Variants in STX8 observed in about 807,000 individuals in gnomAD.
STX8 encodes syntaxin 8.
Under a neutral mutation model 37.5 loss-of-function variants are expected in STX8, and 23 were observed. The ratio of observed to expected loss-of-function variants is 0.61; its 90% CI spans 0.44 to 0.87. The LOEUF is 0.87. Ranked by LOEUF, STX8 falls within the 40% of genes least tolerant of loss-of-function variation. The pLI, the probability that STX8 is intolerant of heterozygous loss-of-function variation, is 0.00. For missense variants in STX8, 313 were observed against 284.7 expected (o/e 1.10, Z -0.71); for synonymous variants, 115 against 99.1 (o/e 1.16, Z -0.95).
At chr17:9,475,580 G>A (rs925237781) in intron 6 of STX8, among the ~76,000 whole-genome samples, 1 of 152,190 alleles carries the variant, frequency 6.6e-6, no homozygotes, top group Non-Finnish European at 1.5e-5. Context: ...TCTCTGGAGA[G>A]GAAAGTTTGC....
intron 7 of STX8, among the ~76,000 whole-genome samples, chr17:9,316,940 C>T (rs752741263): frequency 6.6e-6 from 1 of 152,136 alleles, no homozygotes; most frequent in Non-Finnish European, 1.5e-5. Flanking sequence ...ATCATTCACA[C>T]CTGGTATCAG....
At chr17:9,452,796 G>A (rs549675528) in intron 6 of STX8, among the ~76,000 whole-genome samples, 1 of 143,196 alleles carries the variant, frequency 7.0e-6, no homozygotes, top group African/African-American at 2.6e-5. Flanking sequence ...CCAGTAGGAT[G>A]GCCCTTGTTT....
chr17:9,420,713 TGAGGCGC>T (rs1368878330), intron 6 of STX8, among the ~76,000 whole-genome samples: 1 of 152,130 alleles, frequency 6.6e-6, no homozygotes, highest in African/African-American at 2.4e-5. Flanking sequence ...CAACTGAGCT[TGAGGCGC>T]GATTATTACG....
At chr17:9,539,724 G>A (rs1378665797) in intron 4 of STX8, among the ~76,000 whole-genome samples, 1 of 151,628 alleles carries the variant, frequency 6.6e-6, no homozygotes, top group African/African-American at 2.4e-5. Context: ...GGAATCCAGA[G>A]ATTAGAGAAG....
intron 7 of STX8, among the ~76,000 whole-genome samples, chr17:9,354,253 C>T (rs1357715545): frequency 6.6e-6 from 1 of 151,406 alleles, no homozygotes; most frequent in African/African-American, 2.4e-5. Context: ...TTACTCTTAA[C>T]ATACTATAAT....
At chr17:9,497,904 A>G (rs1338779109) in intron 5 of STX8, among the ~76,000 whole-genome samples, 1 of 152,216 alleles carries the variant, frequency 6.6e-6, no homozygotes, top group East Asian at 1.9e-4. Context: ...TAGGTTTACA[A>G]AAGAAAGGAA....
chr17:9,352,777 T>A (rs985747475), intron 7 of STX8, among the ~76,000 whole-genome samples: 21 of 152,170 alleles, frequency 1.4e-4, no homozygotes, highest in Admixed American at 1.4e-3. Context: ...CTCCCACTTT[T>A]TTTTAAGTAT....
intron 7 of STX8, among the ~76,000 whole-genome samples, chr17:9,254,173 C>T (rs1027268530): frequency 3.3e-5 from 5 of 152,292 alleles, no homozygotes; most frequent in East Asian, 3.9e-4. Flanking sequence ...GCACTCTGCG[C>T]GCTGTGTTTG....
chr17:9,411,735 C>T (rs1912985854), intron 6 of STX8, among the ~76,000 whole-genome samples: 1 of 152,156 alleles, frequency 6.6e-6, no homozygotes, highest in African/African-American at 2.4e-5. Context: ...AATCTGCAAA[C>T]TTGGGTGTAC....
At chr17:9,291,059 T>C (rs188271246) in intron 7 of STX8, among the ~76,000 whole-genome samples, 1 of 152,266 alleles carries the variant, frequency 6.6e-6, no homozygotes, top group East Asian at 1.9e-4. Context: ...GTCAACCAAA[T>C]AGAGTTTGTG....
chr17:9,507,666 T>G lies in STX8; in HGVS notation c.324-2504A>C, dbSNP rs1286599958. On this transcript the variant is annotated intron_variant, in intron 4 of 7. Coordinates refer to ENST00000306357, the MANE Select transcript of STX8 (RefSeq NM_004853.3). The surrounding 1 kb of genome is among the most constrained non-coding windows in gnomAD (Gnocchi z 4.0). ...GGGCACCAACCCCAACCCCAGCAAG[T>G]GAGACCCCAAGTTGGACAACCCACC... Among the ~76,000 whole-genome samples, 1 of 152,094 alleles carries G rather than the reference T, an allele frequency of 6.6e-6. No homozygotes were observed. The highest frequency in any genetic ancestry group is 1.5e-5 in the Non-Finnish European group (1 of 68,006).
intron 6 of STX8, among the ~76,000 whole-genome samples, chr17:9,425,378 GATTT>G (rs994382943): frequency 1.3e-5 from 2 of 152,064 alleles, no homozygotes; most frequent in African/African-American, 2.4e-5. Flanking sequence ...AATACATGAT[GATTT>G]ATTTGTATTT....
At chr17:9,454,123 T>C (rs527759450) in intron 6 of STX8, among the ~76,000 whole-genome samples, 1 of 152,246 alleles carries the variant, frequency 6.6e-6, no homozygotes, top group Non-Finnish European at 1.5e-5. Flanking sequence ...TTATTTCAGC[T>C]ATAGTCCTAA....
chr17:9,525,500 C>A (rs899632500), intron 4 of STX8, among the ~76,000 whole-genome samples: 2 of 152,054 alleles, frequency 1.3e-5, no homozygotes, highest in African/African-American at 4.8e-5. Context: ...GCGCCCGCCA[C>A]CACACCCAGC....
intron 6 of STX8, among the ~76,000 whole-genome samples, chr17:9,419,805 T>G (rs1406621580): frequency 2.0e-5 from 3 of 152,034 alleles, no homozygotes; most frequent in Non-Finnish European, 1.5e-5. Context: ...GTGAGAAGAG[T>G]GAGCAGAAAT....
intron 6 of STX8, among the ~76,000 whole-genome samples, chr17:9,465,637 T>C (rs1261781690): frequency 6.6e-6 from 1 of 152,180 alleles, no homozygotes; most frequent in Non-Finnish European, 1.5e-5. Flanking sequence ...CAAACATTTC[T>C]TCAAGCAGCA....
intron 6 of STX8, among the ~76,000 whole-genome samples, chr17:9,452,997 G>A (rs1905089353): frequency 6.6e-6 from 1 of 151,912 alleles, no homozygotes; most frequent in Non-Finnish European, 1.5e-5. Context: ...GTAGAGACGG[G>A]GTTTCATCAT....
At chr17:9,399,374 G>A (rs1271797051) in intron 6 of STX8, among the ~76,000 whole-genome samples, 1 of 152,176 alleles carries the variant, frequency 6.6e-6, no homozygotes, top group African/African-American at 2.4e-5. Flanking sequence ...TACTAAAGGT[G>A]AAGCTCAACA....
intron 7 of STX8, among the ~76,000 whole-genome samples, chr17:9,337,436 T>C (rs1910174616): frequency 6.6e-6 from 1 of 152,206 alleles, no homozygotes; most frequent in East Asian, 1.9e-4. Context: ...TACAGTGTAG[T>C]GGTGTAATCT....
Sources: allele counts gnomAD v4.1 joint callset (sites outside exome capture counted in the v4.1 genomes callset), GRCh38; gene constraint gnomAD v4.1.1; non-coding constraint Gnocchi (gnomAD v3.1); transcripts MANE v1.5; gene names NCBI Gene and HGNC (gene_info 2026-07-23, HGNC 2026-07-21).